Variants in SPATA16 observed in about 807,000 individuals in gnomAD.
SPATA16 encodes the protein spermatogenesis associated 16, also known as spermatogenesis-associated protein 16.
In SPATA16, 36 loss-of-function variants were observed where a neutral mutation model predicts 63.3. The ratio of observed to expected loss-of-function variants is 0.57; its 90% confidence interval spans 0.44 to 0.75. The LOEUF (loss-of-function observed/expected upper bound fraction) is 0.75. Among genes scored for constraint, SPATA16 ranks in the 30% least tolerant of loss-of-function variants. The pLI, the probability that SPATA16 is intolerant of heterozygous loss-of-function variation, is 0.00. For synonymous variants in SPATA16, 203 were observed against 216.7 expected (o/e 0.94, Z 0.56); for missense variants, 646 against 679.3 (o/e 0.95, Z 0.54).
chr3:173,086,793 T>G (rs1233071360), intron 2 of SPATA16, among the ~76,000 whole-genome samples: 1 of 152,132 alleles, frequency 6.6e-6, no homozygotes, highest in Non-Finnish European at 1.5e-5. Context: ...TTTCATTATT[T>G]AAGAAGTCAT....
intron 3 of SPATA16, among the ~76,000 whole-genome samples, chr3:173,039,451 A>G (rs1244701206): frequency 6.6e-6 from 1 of 152,114 alleles, no homozygotes; most frequent in East Asian, 1.9e-4. Flanking sequence ...ATCAAAAGCA[A>G]ACAGCAAATC....
chr3:172,995,451 A>G (rs1734673915), intron 4 of SPATA16, among the ~76,000 whole-genome samples: 1 of 152,102 alleles, frequency 6.6e-6, no homozygotes, highest in African/African-American at 2.4e-5. Flanking sequence ...GATTCAGGTA[A>G]TTAAAGAAAG....
chr3:172,947,308 T>C (rs535457238), intron 6 of SPATA16, among the ~76,000 whole-genome samples: 1 of 141,722 alleles, frequency 7.1e-6, no homozygotes, highest in African/African-American at 2.5e-5. Flanking sequence ...AAATAAACTC[T>C]TTATGCCCAG....
intron 4 of SPATA16, among the ~76,000 whole-genome samples, chr3:172,999,929 T>G (rs1250879360): frequency 6.6e-6 from 1 of 152,216 alleles, no homozygotes; most frequent in Non-Finnish European, 1.5e-5. Flanking sequence ...GTGTTGCTGT[T>G]GATGTTGAGT....
intron 10 of SPATA16, among the ~76,000 whole-genome samples, chr3:172,898,793 C>T (rs1204090405): frequency 2.6e-5 from 4 of 151,084 alleles, no homozygotes; most frequent in Admixed American, 6.6e-5. Context: ...TTTTTGAACT[C>T]GGATTTCAGT....
intron 10 of SPATA16, among the ~76,000 whole-genome samples, chr3:172,912,348 G>A (rs1732387190): frequency 6.6e-6 from 1 of 152,158 alleles, no homozygotes; most frequent in Non-Finnish European, 1.5e-5. Flanking sequence ...ATACAGGCAA[G>A]AGCTGTGCCT....
chr3:172,896,289 C>T (rs1456869076), intron 10 of SPATA16, among the ~76,000 whole-genome samples: 2 of 152,136 alleles, frequency 1.3e-5, no homozygotes, highest in African/African-American at 2.4e-5. Context: ...GGCGTGATCT[C>T]GGCTCACTGC....
intron 3 of SPATA16, among the ~76,000 whole-genome samples, chr3:173,028,846 GATC>G (rs1735531489): frequency 6.6e-6 from 1 of 152,096 alleles, no homozygotes; most frequent in African/African-American, 2.4e-5. Flanking sequence ...CATCTGTGAA[GATC>G]ATCACCATAT....
intron 4 of SPATA16, among the ~76,000 whole-genome samples, chr3:173,005,023 G>A (rs929384222): frequency 6.6e-6 from 1 of 152,162 alleles, no homozygotes; most frequent in South Asian, 2.1e-4. Flanking sequence ...TTACATTTTT[G>A]TAGAAAATGT....
chr3:173,071,523 C>T (rs1047295314), intron 2 of SPATA16, among the ~76,000 whole-genome samples: 2 of 152,054 alleles, frequency 1.3e-5, no homozygotes, highest in Non-Finnish European at 2.9e-5. Context: ...GAAGGGACAA[C>T]CCACAGGATG....
chr3:173,053,466 T>C (rs1262945761), intron 2 of SPATA16, among the ~76,000 whole-genome samples: 1 of 152,144 alleles, frequency 6.6e-6, no homozygotes, highest in African/African-American at 2.4e-5. Context: ...CAAAGTTCTT[T>C]TAAGAAATAA....
chr3:173,049,857 G>C (rs1736043348), intron 2 of SPATA16, among the ~76,000 whole-genome samples: 2 of 152,000 alleles, frequency 1.3e-5, no homozygotes, highest in South Asian at 4.2e-4. Flanking sequence ...GGGAAGATCG[G>C]CACTTTTTTT....
chr3:173,095,079 A>G (rs1022508676), intron 2 of SPATA16, among the ~76,000 whole-genome samples: 1 of 152,198 alleles, frequency 6.6e-6, no homozygotes, highest in Non-Finnish European at 1.5e-5. Context: ...GCTTGGTTCA[A>G]GCTCTAGCTT....
At chr3:173,010,988 C>T (rs1352007533) in intron 4 of SPATA16, among the ~76,000 whole-genome samples, 1 of 152,056 alleles carries the variant, frequency 6.6e-6, no homozygotes, top group Non-Finnish European at 1.5e-5. Context: ...TGGATTCACA[C>T]CCAAATTCTA....
intron 2 of SPATA16, among the ~76,000 whole-genome samples, chr3:173,068,132 A>G (rs187172842): frequency 2.0e-5 from 3 of 152,354 alleles, no homozygotes; most frequent in Admixed American, 2.0e-4. Context: ...GTTAATGTAT[A>G]ACAAGAAATC....
chr3:172,950,732 C>T (rs1458423509), intron 6 of SPATA16, among the ~76,000 whole-genome samples: 1 of 152,066 alleles, frequency 6.6e-6, no homozygotes, highest in Non-Finnish European at 1.5e-5. Context: ...TTTTAAAGGT[C>T]TAATTTAAAA....
chr3:172,955,632 C>A (rs543127040), intron 6 of SPATA16, among the ~76,000 whole-genome samples: 3 of 152,162 alleles, frequency 2.0e-5, no homozygotes, highest in African/African-American at 7.2e-5. Flanking sequence ...ATATCTTTCC[C>A]TTGAAGAGCG....
chr3:173,020,986 T>A (rs568256948), intron 3 of SPATA16, among the ~76,000 whole-genome samples: 17 of 152,270 alleles, frequency 1.1e-4, no homozygotes, highest in Admixed American at 4.6e-4. Context: ...TCCAGAAAAA[T>A]GCACATAATC....
chr3:172,966,604 G>A (rs899032014), intron 5 of SPATA16, among the ~76,000 whole-genome samples: 4 of 152,250 alleles, frequency 2.6e-5, no homozygotes, highest in Admixed American at 2.6e-4. Flanking sequence ...TTATTTGGAA[G>A]GGAGAAAATT....
Sources: gnomAD v4.1 joint callset for allele counts (sites outside exome capture counted in the v4.1 genomes callset) on GRCh38, gnomAD v4.1.1 for gene constraint, MANE v1.5 for transcripts, NCBI Gene and HGNC (gene_info 2026-07-23, HGNC 2026-07-21) for gene names.